The following SHANK2 variants were observed in gnomAD, a reference collection of about 807,000 sequenced individuals.
SHANK2 encodes the protein SH3 and multiple ankyrin repeat domains protein 2.
In SHANK2, 43 loss-of-function variants were observed where a neutral mutation model predicts 133.7. The observed-to-expected ratio is 0.32, with a 90% CI of 0.25 to 0.41. The LOEUF (loss-of-function observed/expected upper bound fraction) is 0.41, where lower values mean the gene tolerates loss of function less well. Ranked by LOEUF, SHANK2 falls within the 10% of genes least tolerant of loss-of-function variation. The probability of loss-of-function intolerance (pLI) is 1.00; values close to 1 mark genes in which losing one functional copy is unlikely to be tolerated. For synonymous variants in SHANK2, 1,017 were observed against 952.8 expected (o/e 1.07, Z -1.24); for missense variants, 1,994 against 2,235.8 (o/e 0.89, Z 2.18).
chr11:70,826,525 G>C (rs782110722), intron 11 of SHANK2: 16 of 471,142 alleles, frequency 3.4e-5, no homozygotes, highest in South Asian at 2.5e-4. Context: ...CTTTGGCAGC[G>C]GTCCGCTCAT....
At position 70,490,298 on chromosome 11, in the gene SHANK2, C is replaced by T. The variant is rs782139196; in HGVS notation, c.2529G>A (p.Thr843=). The T allele has an allele frequency of 2.3e-5, 37 of 1,614,070 alleles. No individual in the cohort carries two copies. The highest frequency in any genetic ancestry group is 4.5e-5 in the East Asian group (2 of 44,894). Residue 843 remains threonine, a synonymous_variant, in exon 23 of 26, where the codon ACG becomes ACA. Coordinates refer to ENST00000601538, the MANE Select transcript of SHANK2 (RefSeq NM_012309.5). The part of the protein sequence containing the change: ...KAPFLGIPRG[T]MRRQKSIDSR... ...TACCTATTGATTTCTGCCTTCGCAT[C>T]GTACCTCGAGGGATGCCCAGAAACG...
At chr11:71,060,852 A>T (rs935516351) in intron 9 of SHANK2, among the ~76,000 whole-genome samples, 4 of 152,214 alleles carry the variant, frequency 2.6e-5, no homozygotes, top group African/African-American at 7.2e-5. Context: ...GACGCTCCGC[A>T]CAGGGTTTCA....
intron 11 of SHANK2, among the ~76,000 whole-genome samples, chr11:70,821,957 G>C (rs990282717): frequency 6.6e-6 from 1 of 152,212 alleles, no homozygotes; most frequent in South Asian, 2.1e-4. Flanking sequence ...AATGAGACCA[G>C]GGGCTCAGAA....
intron 21 of SHANK2, among the ~76,000 whole-genome samples, chr11:70,499,518 C>T (rs1555157890): frequency 6.6e-6 from 1 of 152,242 alleles, no homozygotes; most frequent in African/African-American, 2.4e-5. Flanking sequence ...GTTCTGGCAA[C>T]TGGGTCCCTG....
intron 2 of SHANK2, among the ~76,000 whole-genome samples, chr11:71,161,584 G>T (rs1442059600): frequency 2.0e-5 from 3 of 152,132 alleles, no homozygotes; most frequent in Admixed American, 6.5e-5. Context: ...TTGATTCCAG[G>T]TCTTTACATA....
intron 17 of SHANK2, among the ~76,000 whole-genome samples, chr11:70,617,406 T>C (rs951540241): frequency 1.3e-5 from 2 of 152,142 alleles, no homozygotes; most frequent in Non-Finnish European, 2.9e-5. Context: ...GGATGGAATG[T>C]GGCCCCCAGG....
intron 14 of SHANK2, among the ~76,000 whole-genome samples, chr11:70,795,026 C>T (rs1555048829): frequency 6.6e-6 from 1 of 152,118 alleles, no homozygotes; most frequent in African/African-American, 2.4e-5. Context: ...GATCTTAGAA[C>T]ACCCAAGGGC....
At chr11:70,877,495 C>T (rs1273965476) in intron 11 of SHANK2, among the ~76,000 whole-genome samples, 7 of 152,206 alleles carry the variant, frequency 4.6e-5, no homozygotes, top group East Asian at 1.9e-4. Context: ...GGAGAGATCC[C>T]GGCTCCTGCC....
intron 17 of SHANK2, among the ~76,000 whole-genome samples, chr11:70,620,129 C>CAA (rs1314325271): frequency 1.1e-4 from 17 of 152,186 alleles, no homozygotes; most frequent in African/African-American, 4.1e-4. Context: ...AGCCCCCTCC[C>CAA]AAAGGCCCTG....
intron 9 of SHANK2, among the ~76,000 whole-genome samples, chr11:71,072,962 G>T (rs1284534965): frequency 2.6e-5 from 4 of 152,044 alleles, no homozygotes; most frequent in African/African-American, 9.6e-5. Flanking sequence ...TTCTGGAGAT[G>T]AATGGCAGGC....
chr11:70,597,406 T>C (rs4980621), intron 17 of SHANK2, among the ~76,000 whole-genome samples: 118,249 of 151,938 alleles, frequency 0.78, 46,295 homozygotes, highest in East Asian at 0.92. Context: ...ACCATGGATT[T>C]GGGGCTCACA....
At chr11:70,764,751 C>A (rs1947080460) in intron 14 of SHANK2, among the ~76,000 whole-genome samples, 1 of 151,846 alleles carries the variant, frequency 6.6e-6, no homozygotes, top group South Asian at 2.1e-4. Context: ...CATCCATTCA[C>A]ACATCTGTCC....
chr11:71,240,467 C>T (rs1265584337), intron 1 of SHANK2, among the ~76,000 whole-genome samples: 1 of 152,128 alleles, frequency 6.6e-6, no homozygotes, highest in Non-Finnish European at 1.5e-5. Context: ...GGGCTCCCTT[C>T]AAGGGTGAGA....
intron 17 of SHANK2, among the ~76,000 whole-genome samples, chr11:70,617,043 G>A (rs1272903758): frequency 1.3e-5 from 2 of 152,026 alleles, no homozygotes; most frequent in African/African-American, 2.4e-5. Flanking sequence ...GTCTATGAGT[G>A]TGTGTGTAGG....
rs1555013350 is a variant in SHANK2 at position 70,661,654 on chromosome 11, C to G, written c.1878G>C (p.Thr626=). 1 of 1,614,128 alleles carries G rather than the reference C, an allele frequency of 6.2e-7. No individual in the cohort carries two copies. The highest frequency in any genetic ancestry group is 2.2e-5 in the East Asian group (1 of 44,870). The change falls in exon 16 of 26, where the codon ACG becomes ACC. Residue 626 remains threonine (T), a synonymous_variant. Transcript: ENST00000601538. ...TSSDCIIEEK[T]VVLQKKDNEG... is the part of the protein sequence containing the mutation. ...CATTGTCTTTTTTCTGCAGGACCAC[C>G]GTCTTCTCCTCAATAATGCAGTCAC...
intron 2 of SHANK2, among the ~76,000 whole-genome samples, chr11:71,151,651 G>A (rs1238207975): frequency 2.0e-5 from 3 of 152,198 alleles, no homozygotes; most frequent in Non-Finnish European, 2.9e-5. Context: ...GTGTGGTAGC[G>A]AGGCCAGCCT....
At chr11:71,079,753 C>G (rs1951268258) in intron 8 of SHANK2, among the ~76,000 whole-genome samples, 1 of 146,838 alleles carries the variant, frequency 6.8e-6, no homozygotes, top group South Asian at 2.3e-4. Flanking sequence ...GAGTGAGACT[C>G]CGAGAAAAGA....
chr11:70,886,639 T>C (rs1555073560), intron 11 of SHANK2, among the ~76,000 whole-genome samples: 1 of 152,110 alleles, frequency 6.6e-6, no homozygotes, highest in Non-Finnish European at 1.5e-5. Context: ...GGTATATTTT[T>C]AAAGGATCAT....
chr11:70,863,299 A>G (rs1555068184), intron 11 of SHANK2: 1 of 457,858 alleles, frequency 2.2e-6, no homozygotes, highest in South Asian at 1.5e-5. Context: ...TCTAAGCACC[A>G]GAACCTGAGC....
Sources: gnomAD v4.1 joint callset for allele counts (sites outside exome capture counted in the v4.1 genomes callset) on GRCh38, gnomAD v4.1.1 for gene constraint, MANE v1.5 for transcripts, NCBI Gene and HGNC (gene_info 2026-07-23, HGNC 2026-07-21) for gene names.